The following GRIA3 variants were observed in gnomAD, a reference collection of about 807,000 sequenced individuals.
The protein encoded by GRIA3 is glutamate ionotropic receptor AMPA type subunit 3, also known as glutamate receptor 3.
GRIA3 carries 3 observed loss-of-function variants against 63.0 expected under a neutral mutation model. That is an observed-to-expected ratio of 0.05 (90% confidence interval 0.02 to 0.12). The LOEUF is 0.12. GRIA3 is among the 10% of genes least tolerant of loss of function. GRIA3 has a pLI of 1.00. For missense variants in GRIA3, 347 were observed against 700.9 expected, an observed-to-expected ratio of 0.50 and a Z score of 5.70; for synonymous variants, 274 against 257.9, an observed-to-expected ratio of 1.06 and a Z score of -0.60.
Position 123,332,170 on chromosome X carries a change from G to GTT in GRIA3, c.696+5966_696+5967dup, listed in dbSNP as rs34908704. Among the ~76,000 whole-genome samples the GTT allele has an allele frequency of 1.2e-4, 13 of 106,061 alleles. No individual in the cohort carries two copies. In the South Asian group the frequency reaches 1.3e-3, roughly 10 times the overall value. The allele number at this position is 106,061 out of a possible 115,157, so 92.1% of individuals were successfully genotyped here. A position where few individuals can be genotyped will look rare whatever the true frequency, so the allele number is the denominator to read the frequency against. ...TTTAGCATGTTAGAAAACCTCTCTG[G>GTT]TTTTTTTTTTCCTGTGATATAACAC... On this transcript the variant is annotated intron_variant, in intron 4 of 15. Transcript: ENST00000620443.
chrX:123,351,153 T>C (rs1401427184), intron 4 of GRIA3, among the ~76,000 whole-genome samples: 1 of 112,154 alleles, frequency 8.9e-6, no homozygotes, highest in African/African-American at 3.2e-5. Flanking sequence ...CCAGAGTCAT[T>C]AAGTAACTGA....
intron 4 of GRIA3, among the ~76,000 whole-genome samples, chrX:123,330,566 G>T (rs1466175407): frequency 8.9e-6 from 1 of 112,177 alleles, no homozygotes; most frequent in Non-Finnish European, 1.9e-5. Flanking sequence ...GTTAGAAAAT[G>T]GGGCCTGTGA....
chrX:123,473,638 G>C (rs1340265541), intron 13 of GRIA3, among the ~76,000 whole-genome samples: 1 of 111,241 alleles, frequency 9.0e-6, no homozygotes, highest in Non-Finnish European at 1.9e-5. Context: ...TCCCTCCATT[G>C]GGCCAAAGAC....
chrX:123,307,960 A>G (rs769705905), intron 3 of GRIA3, among the ~76,000 whole-genome samples: 1 of 111,566 alleles, frequency 9.0e-6, no homozygotes, highest in African/African-American at 3.3e-5. Flanking sequence ...CCAGTAGTGA[A>G]GACCCTGACT....
chrX:123,188,395 T>C (rs921767910), intron 2 of GRIA3, among the ~76,000 whole-genome samples: 2 of 111,189 alleles, frequency 1.8e-5, no homozygotes, highest in Non-Finnish European at 3.8e-5. Flanking sequence ...GCCCTGGAGG[T>C]GTTTCTCATT....
At chrX:123,320,763 C>A (rs1603091131) in intron 3 of GRIA3, among the ~76,000 whole-genome samples, 1 of 111,962 alleles carries the variant, frequency 8.9e-6, no homozygotes, top group Non-Finnish European at 1.9e-5. Context: ...AAGGTAAGTG[C>A]GGCTGCACTT....
chrX:123,323,082 T>C (rs894838362), intron 3 of GRIA3, among the ~76,000 whole-genome samples: 1 of 112,203 alleles, frequency 8.9e-6, no homozygotes, highest in Admixed American at 9.5e-5. Flanking sequence ...CTTTTTAATC[T>C]TTATTGTTTT....
rs182956374 is a variant in GRIA3 at position 123,360,081 on chromosome X, C to T, written c.750+5118C>T. ...TTCTCAGAACTTCTATGAGGAGAGA[C>T]TTCTTGCCCACCCACCTTCCTAAGC... On this transcript the variant is annotated intron_variant, in intron 5 of 15. Coordinates refer to ENST00000620443, the MANE Select transcript of GRIA3 (RefSeq NM_007325.5). 1.8e-3 allele frequency among the ~76,000 whole-genome samples: 204 copies of T among 112,030 alleles called. 1 individual carries two copies. Among genetic ancestry groups the T allele is most frequent in the African/African-American group, 6.3e-3 (195 of 30,862 alleles).
chrX:123,291,535 G>A (rs770324887), intron 3 of GRIA3, among the ~76,000 whole-genome samples: 9 of 110,211 alleles, frequency 8.2e-5, no homozygotes, highest in African/African-American at 2.6e-4. Context: ...ACCTGCACAT[G>A]TACCCCTGAA....
chrX:123,238,221 C>G (rs767302394), intron 2 of GRIA3, among the ~76,000 whole-genome samples: 35 of 111,790 alleles, frequency 3.1e-4, no homozygotes, highest in Middle Eastern at 4.6e-3. Flanking sequence ...GTTCCCTAAG[C>G]ACTCCCATCT....
chrX:123,229,992 G>A (rs1428683826), intron 2 of GRIA3, among the ~76,000 whole-genome samples: 1 of 111,751 alleles, frequency 8.9e-6, no homozygotes, highest in Non-Finnish European at 1.9e-5. Flanking sequence ...TGCTGAGGGG[G>A]AAGTCAGCAT....
chrX:123,232,072 G>T (rs1157896670), intron 2 of GRIA3, among the ~76,000 whole-genome samples: 1 of 111,701 alleles, frequency 9.0e-6, no homozygotes, highest in Non-Finnish European at 1.9e-5. Context: ...CAAAGCAGTA[G>T]ATGTTAAATG....
chrX:123,467,698 C>T (rs1036970460), intron 13 of GRIA3, among the ~76,000 whole-genome samples: 1 of 112,030 alleles, frequency 8.9e-6, no homozygotes, highest in African/African-American at 3.2e-5. Flanking sequence ...TCTAAAACAT[C>T]CACATGATGC....
chrX:123,363,415 T>C (rs936062044), intron 5 of GRIA3, among the ~76,000 whole-genome samples: 1 of 112,616 alleles, frequency 8.9e-6, no homozygotes, highest in Non-Finnish European at 1.9e-5. Flanking sequence ...ATATATTTAT[T>C]TCCAACTCTC....
Position 123,184,590 on chromosome X carries a change from G to A in GRIA3, c.55G>A (p.Val19Ile), listed in dbSNP as rs747644263. 6.6e-6 allele frequency: 8 copies of A among 1,210,096 alleles called. No homozygotes were observed. Among genetic ancestry groups the A allele is most frequent in the Non-Finnish European group, 8.9e-6 (8 of 894,264 alleles). ...QSVLRAVFFL[V>I]LGLLGHSHGG... ...CGTGCTCCGGGCGGTCTTCTTTTTA[G>A]TCCTGGGGCTTTTGGGTCATTCTCA... is the stretch of plus-strand genomic sequence containing the variant. The change falls in exon 1 of 16, where the codon GTC becomes ATC. Residue 19 changes from valine to isoleucine, a missense_variant. By Grantham distance (29) the Val-to-Ile change is conservative. Coordinates refer to ENST00000620443, the MANE Select transcript of GRIA3 (RefSeq NM_007325.5).
chrX:123,409,362 G>A (rs1285512407), intron 10 of GRIA3, among the ~76,000 whole-genome samples: 1 of 112,177 alleles, frequency 8.9e-6, no homozygotes, highest in East Asian at 2.8e-4. Context: ...TAAAGAATAA[G>A]GAAGCCAATC....
intron 12 of GRIA3, among the ~76,000 whole-genome samples, chrX:123,456,874 T>TG (rs1032806911): frequency 7.2e-5 from 8 of 111,842 alleles, no homozygotes; most frequent in African/African-American, 2.6e-4. Flanking sequence ...TTCAGGCAGA[T>TG]GGAGGCCCAA....
intron 3 of GRIA3, among the ~76,000 whole-genome samples, chrX:123,255,546 C>G (rs2044415071): frequency 9.4e-6 from 1 of 106,582 alleles, no homozygotes; most frequent in Non-Finnish European, 1.9e-5. Context: ...AACAGTGTAC[C>G]TCTCATTTAT....
intron 12 of GRIA3, among the ~76,000 whole-genome samples, chrX:123,449,263 A>G (rs1482857970): frequency 8.9e-6 from 1 of 112,280 alleles, no homozygotes; most frequent in Admixed American, 9.4e-5. Flanking sequence ...GACTTAAATA[A>G]GTGTGCTGAT....
Sources: allele counts gnomAD v4.1 joint callset (sites outside exome capture counted in the v4.1 genomes callset), GRCh38; gene constraint gnomAD v4.1.1; transcripts MANE v1.5; gene names NCBI Gene and HGNC (gene_info 2026-07-23, HGNC 2026-07-21).